Variants in CCNK observed in about 807,000 individuals in gnomAD.
CCNK encodes cyclin-K.
Under a neutral mutation model 65.0 loss-of-function variants are expected in CCNK, and 9 were observed. The ratio of observed to expected loss-of-function variants is 0.14; its 90% CI spans 0.08 to 0.24. The LOEUF (loss-of-function observed/expected upper bound fraction) is 0.24. CCNK is among the 10% of genes least tolerant of loss of function. The probability of loss-of-function intolerance (pLI) is 1.00; values close to 1 mark genes in which losing one functional copy is unlikely to be tolerated. For synonymous variants in CCNK, 279 were observed against 270.8 expected (o/e 1.03, Z -0.30); for missense variants, 474 against 720.0 (o/e 0.66, Z 3.91).
intron 8 of CCNK, chr14:99,503,391 G>C: frequency 1.7e-6 from 1 of 603,602 alleles, no homozygotes; most frequent in Non-Finnish European, 3.0e-6. Context: ...AGGAAAGCTA[G>C]TCATTCTGTC....
At chr14:99,496,346 C>T (rs927082817) in intron 4 of CCNK, among the ~76,000 whole-genome samples, 8 of 152,114 alleles carry the variant, frequency 5.3e-5, no homozygotes, top group South Asian at 4.1e-4. Context: ...TAGGCCAAGC[C>T]GGGCAGATTG....
rs566272371 is a variant in CCNK, at chr14:99,492,572, A to T, written c.-52-54A>T. 4 of 898,854 alleles carry T rather than the reference A, an allele frequency of 4.5e-6. No individual in the cohort carries two copies. The East Asian group carries it at 1.1e-4, about 24-fold the overall frequency. The allele number at this position is 898,854 out of a possible 1,614,324, so 55.7% of individuals were successfully genotyped here. ...AACCAGGTACAATCTATGATTCTAG[A>T]TTGCTTATAGTATGGAGTATTCCTT... is the stretch of plus-strand genomic sequence containing the variant. On this transcript the variant is annotated intron_variant, in intron 1 of 10. Coordinates refer to ENST00000389879, the MANE Select transcript of CCNK (RefSeq NM_001099402.2).
At chr14:99,481,979 G>A (rs1043612155) in intron 1 of CCNK, among the ~76,000 whole-genome samples, 1 of 152,198 alleles carries the variant, frequency 6.6e-6, no homozygotes, top group African/African-American at 2.4e-5. Context: ...AGGCACTTCC[G>A]GGATTAGATT....
At chr14:99,487,388 C>T (rs1896511696) in intron 1 of CCNK, among the ~76,000 whole-genome samples, 2 of 152,152 alleles carry the variant, frequency 1.3e-5, no homozygotes, top group Non-Finnish European at 2.9e-5. Context: ...AGCAACATTC[C>T]TGGCCTCTAC....
chr14:99,498,162 C>T (rs1248913327), intron 4 of CCNK, among the ~76,000 whole-genome samples: 2 of 152,174 alleles, frequency 1.3e-5, no homozygotes, highest in Non-Finnish European at 2.9e-5. Context: ...TTGTGCCATC[C>T]CAGGGTGCCT....
chr14:99,497,346 G>A (rs986022526), intron 4 of CCNK, among the ~76,000 whole-genome samples: 4 of 152,196 alleles, frequency 2.6e-5, no homozygotes, highest in Non-Finnish European at 5.9e-5. Flanking sequence ...CATATAGGAT[G>A]TAGCTTTTTC....
intron 9 of CCNK, chr14:99,505,242 A>C (rs1376031580): frequency 1.3e-5 from 2 of 152,312 alleles, no homozygotes; most frequent in Non-Finnish European, 2.9e-5. Context: ...CATGGGAAAC[A>C]TGGTGGCCTC....
intron 1 of CCNK, among the ~76,000 whole-genome samples, chr14:99,488,850 CT>C (rs1896544196): frequency 6.6e-6 from 1 of 150,394 alleles, no homozygotes; most frequent in Non-Finnish European, 1.5e-5. Context: ...AGTTATTTTT[CT>C]TTTTGCTATT....
intron 1 of CCNK, among the ~76,000 whole-genome samples, chr14:99,487,706 C>T (rs188177249): frequency 1.3e-5 from 2 of 152,314 alleles, no homozygotes; most frequent in African/African-American, 2.4e-5. Context: ...TAGGAAAGAA[C>T]GAAGAGAGCT....
intron 3 of CCNK, 76 bp downstream of exon 3, chr14:99,493,671 C>G: frequency 1.1e-6 from 1 of 927,720 alleles, no homozygotes; most frequent in Admixed American, 2.4e-5. Flanking sequence ...TAATTATAAG[C>G]TCTATTTTTC....
intron 10 of CCNK, chr14:99,508,286 C>T (rs1427750813): frequency 6.6e-6 from 1 of 152,254 alleles, no homozygotes; most frequent in East Asian, 1.9e-4. Flanking sequence ...TTATGGAGCA[C>T]CTCCTCGCCA....
intron 9 of CCNK, chr14:99,505,048 T>A (rs1365487625): frequency 6.6e-6 from 1 of 152,210 alleles, no homozygotes; most frequent in Non-Finnish European, 1.5e-5. Context: ...TCTGATAGGA[T>A]CTAAAATGTG....
At chr14:99,496,711 A>G (rs934014673) in intron 4 of CCNK, among the ~76,000 whole-genome samples, 8 of 151,468 alleles carry the variant, frequency 5.3e-5, no homozygotes, top group African/African-American at 1.7e-4. Context: ...CTCCATCTCA[A>G]AAAAAAATAA....
intron 4 of CCNK, among the ~76,000 whole-genome samples, chr14:99,497,900 C>T (rs1276074780): frequency 2.0e-4 from 31 of 152,094 alleles, no homozygotes; most frequent in Admixed American, 2.0e-3. Context: ...TAACTATAAC[C>T]AAAAATGCAG....
intron 2 of CCNK, 63 bp from the exon 3 acceptor site, chr14:99,493,451 T>C (rs1256913266): frequency 3.0e-6 from 3 of 992,122 alleles, no homozygotes; most frequent in Admixed American, 4.7e-5. Context: ...TTTGTTTTTC[T>C]ACATTTAACT....
At chr14:99,510,003 C>A in intron 10 of CCNK, 154 bp from the exon 11 acceptor site, 1 of 703,708 alleles carries the variant, frequency 1.4e-6, no homozygotes, top group Non-Finnish European at 2.3e-6. Context: ...CTGGTGGCAT[C>A]AGGACATGGG....
intron 4 of CCNK, chr14:99,500,523 T>A (rs1044777595): frequency 4.6e-6 from 2 of 431,604 alleles, no homozygotes; most frequent in African/African-American, 4.2e-5. Context: ...TTTTTAAGGA[T>A]CTTTTGTTTT....
At chr14:99,489,445 G>A (rs150450122) in intron 1 of CCNK, among the ~76,000 whole-genome samples, 6 of 152,274 alleles carry the variant, frequency 3.9e-5, no homozygotes, top group African/African-American at 1.4e-4. Flanking sequence ...CGGGAGGATC[G>A]CTTGAGGCCA....
intron 4 of CCNK, among the ~76,000 whole-genome samples, chr14:99,495,921 T>G (rs1040076374): frequency 6.6e-6 from 1 of 152,186 alleles, no homozygotes; most frequent in Non-Finnish European, 1.5e-5. Flanking sequence ...GGACTCTGCT[T>G]CTTAAGTGCA....
Sources: gnomAD v4.1 joint callset for allele counts (sites outside exome capture counted in the v4.1 genomes callset) on GRCh38, gnomAD v4.1.1 for gene constraint, MANE v1.5 for transcripts, NCBI Gene and HGNC (gene_info 2026-07-23, HGNC 2026-07-21) for gene names.